HCK: variants seen among roughly 807,000 people sequenced by gnomAD.
HCK encodes tyrosine-protein kinase HCK.
In HCK, 40 loss-of-function variants were observed where a neutral mutation model predicts 70.4. The ratio of observed to expected loss-of-function variants is 0.57; its 90% CI spans 0.44 to 0.74. HCK has a LOEUF of 0.74. Among genes scored for constraint, HCK ranks in the 30% least tolerant of loss-of-function variants. HCK has a pLI of 0.00. For synonymous variants in HCK, 245 were observed against 263.2 expected (o/e 0.93, Z 0.67); for missense variants, 568 against 697.2 (o/e 0.81, Z 2.09).
intron 2 of HCK, 87 bp from the exon 3 acceptor site, chr20:32,073,232 C>T (rs2045569573): frequency 2.7e-6 from 3 of 1,123,474 alleles, no homozygotes; most frequent in Non-Finnish European, 4.0e-6. Context: ...GGGTAAGATG[C>T]TCTTGGGTGT....
At chr20:32,081,786 C>G (rs1314902380) in intron 6 of HCK, among the ~76,000 whole-genome samples, 2 of 152,166 alleles carry the variant, frequency 1.3e-5, no homozygotes, top group African/African-American at 4.8e-5. Flanking sequence ...TCTAGCTGTG[C>G]CCAGGACAGC....
Position 32,052,441 on chromosome 20 carries a change from G to A in HCK, c.17G>A (p.Ser6Asn). 1 of 1,280,614 alleles carries A rather than the reference G, an allele frequency of 7.8e-7. No individual in the cohort carries two copies. The highest frequency in any genetic ancestry group is 1.0e-6 in the Non-Finnish European group (1 of 1,004,660). The allele number at this position is 1,280,614 out of a possible 1,614,324, so 79.3% of individuals were successfully genotyped here. ...GCTGCCGAGCTGGGGGGGCGCTCAA[G>A]CTGCGAGGATCCGGGCTGCCCGCGA... Residue 6 changes from serine to asparagine, a missense_variant, in exon 1 of 13, where the codon AGC becomes AAC. By Grantham distance (46) the Ser-to-Asn change is conservative. Around this residue, in one of 4 missense-constraint regions of HCK, gnomAD observed 318 missense variants for 336.0 expected, o/e 0.95. Transcript: ENST00000375852.
intron 8 of HCK, among the ~76,000 whole-genome samples, chr20:32,085,436 C>A (rs1311215074): frequency 6.6e-6 from 1 of 152,018 alleles, no homozygotes; most frequent in African/African-American, 2.4e-5. Flanking sequence ...ATCGTTTGAA[C>A]CCAGGAGGTG....
chr20:32,096,045 A>G (rs1356517355), intron 11 of HCK, among the ~76,000 whole-genome samples: 6 of 151,826 alleles, frequency 4.0e-5, no homozygotes, highest in Admixed American at 2.0e-4. Context: ...ATGTGCCATC[A>G]TGCCCAGCTA....
intron 1 of HCK, among the ~76,000 whole-genome samples, chr20:32,065,655 C>T (rs2045445001): frequency 6.6e-6 from 1 of 152,128 alleles, no homozygotes; most frequent in South Asian, 2.1e-4. Context: ...AGCAAAATCC[C>T]AGGGCAGACT....
At chr20:32,100,490 A>T (rs965907777) in intron 12 of HCK, among the ~76,000 whole-genome samples, 1 of 152,186 alleles carries the variant, frequency 6.6e-6, no homozygotes, top group African/African-American at 2.4e-5. Context: ...ATAAAGGATG[A>T]TTACCCTGGC....
intron 1 of HCK, among the ~76,000 whole-genome samples, chr20:32,069,982 A>C (rs2045514757): frequency 6.6e-6 from 1 of 152,252 alleles, no homozygotes; most frequent in African/African-American, 2.4e-5. Context: ...ATGTGTGTGC[A>C]CATTTTGAGA....
intron 4 of HCK, among the ~76,000 whole-genome samples, chr20:32,074,165 C>T (rs2045586746): frequency 6.6e-6 from 1 of 152,150 alleles, no homozygotes; most frequent in Non-Finnish European, 1.5e-5. Flanking sequence ...TTTGCCACCT[C>T]GGATCTCCTA....
At chr20:32,074,147 T>C (rs2045586541) in intron 4 of HCK, among the ~76,000 whole-genome samples, 1 of 152,122 alleles carries the variant, frequency 6.6e-6, no homozygotes, top group Non-Finnish European at 1.5e-5. Flanking sequence ...AATCCTTGGA[T>C]CTCTGAGTTT....
intron 5 of HCK, among the ~76,000 whole-genome samples, chr20:32,076,518 T>C (rs889858849): frequency 6.6e-6 from 1 of 152,150 alleles, no homozygotes; most frequent in African/African-American, 2.4e-5. Flanking sequence ...GAGGCGTGGC[T>C]GGCATTATTT....
At chr20:32,082,503 G>A (rs187175231) in intron 6 of HCK, among the ~76,000 whole-genome samples, 41 of 151,994 alleles carry the variant, frequency 2.7e-4, no homozygotes, top group African/African-American at 9.6e-4. Context: ...TTAGCCGGGC[G>A]TAGTGGCGGG....
chr20:32,075,515 G>C (rs1276907531), intron 5 of HCK, among the ~76,000 whole-genome samples: 4 of 152,050 alleles, frequency 2.6e-5, no homozygotes, highest in Non-Finnish European at 5.9e-5. Context: ...TCCCTCATTT[G>C]ATTCATTCGA....
intron 1 of HCK, among the ~76,000 whole-genome samples, chr20:32,067,531 CTTTTTTT>C (rs11482239): frequency 1.9e-4 from 21 of 110,346 alleles, no homozygotes; most frequent in East Asian, 7.9e-4. Flanking sequence ...GATGCTTTTA[CTTTTTTT>C]TTTTTTTTTT....
rs996018966 is a variant in HCK at position 32,079,867 on chromosome 20, G to A, written c.522G>A (p.Glu174=). ...GCTCCTTCATGATCCGGGATAGCGA[G>A]ACCACTAAAGGTGACACCAGCCCTC... is the stretch of plus-strand genomic sequence containing the variant. Residue 174 remains glutamate, a synonymous_variant, in exon 6 of 13, where the codon GAG becomes GAA. Coordinates refer to ENST00000375852, the MANE Select transcript of HCK (RefSeq NM_002110.5). 4.3e-6 allele frequency: 7 copies of A among 1,612,426 alleles called. No homozygotes were observed. The highest frequency in any genetic ancestry group is 5.1e-6 in the Non-Finnish European group (6 of 1,178,634).
At chr20:32,061,229 G>A (rs539418813) in intron 1 of HCK, among the ~76,000 whole-genome samples, 10 of 152,268 alleles carry the variant, frequency 6.6e-5, no homozygotes, top group Middle Eastern at 3.4e-3. Context: ...TGATTCGCCC[G>A]CCTTGGCCTC....
At chr20:32,056,940 A>G (rs1001884460) in intron 1 of HCK, among the ~76,000 whole-genome samples, 2 of 152,224 alleles carry the variant, frequency 1.3e-5, no homozygotes, top group Non-Finnish European at 2.9e-5. Context: ...TGAATGTTGG[A>G]CAACCTCCTC....
intron 12 of HCK, among the ~76,000 whole-genome samples, chr20:32,099,985 G>A (rs893328188): frequency 6.6e-6 from 1 of 150,632 alleles, no homozygotes; most frequent in Non-Finnish European, 1.5e-5. Context: ...TGGCAGCCTC[G>A]ACTTCCTAGG....
At chr20:32,064,128 C>A (rs542999281) in intron 1 of HCK, among the ~76,000 whole-genome samples, 2 of 150,290 alleles carry the variant, frequency 1.3e-5, no homozygotes, top group East Asian at 4.0e-4. Flanking sequence ...CTCAGCCTCC[C>A]AAGTAGCTGG....
intron 11 of HCK, among the ~76,000 whole-genome samples, chr20:32,098,490 G>GA (rs967988148): frequency 6.1e-5 from 9 of 148,014 alleles, no homozygotes; most frequent in East Asian, 5.9e-4. Context: ...GTCTCTAAAA[G>GA]AAAAAAAAAA....
Sources: gnomAD v4.1 joint callset for allele counts (sites outside exome capture counted in the v4.1 genomes callset) on GRCh38, gnomAD v4.1.1 for gene constraint, gnomAD v4.1.1 regional missense constraint, MANE v1.5 for transcripts, NCBI Gene and HGNC (gene_info 2026-07-23, HGNC 2026-07-21) for gene names.